ESRRG: variants seen among roughly 807,000 people sequenced by gnomAD.
The protein encoded by ESRRG is estrogen related receptor gamma.
Under a neutral mutation model 44.0 loss-of-function variants are expected in ESRRG, and 13 were observed. That is an observed-to-expected ratio of 0.30 (90% confidence interval 0.19 to 0.47). ESRRG has a LOEUF of 0.47. Among genes scored for constraint, ESRRG ranks in the 20% least tolerant of loss-of-function variants. ESRRG has a pLI of 1.00. For synonymous variants in ESRRG, 215 were observed against 214.6 expected (o/e 1.00, Z -0.02); for missense variants, 395 against 580.6 (o/e 0.68, Z 3.29).
At chr1:216,922,745 G>A (rs932122557) in intron 2 of ESRRG, among the ~76,000 whole-genome samples, 8 of 152,148 alleles carry the variant, frequency 5.3e-5, no homozygotes, top group Non-Finnish European at 1.2e-4. Context: ...ACTTTCTAAT[G>A]AACCACAACT....
At chr1:216,839,100 A>ATC (rs1364141176) in intron 2 of ESRRG, among the ~76,000 whole-genome samples, 1 of 152,220 alleles carries the variant, frequency 6.6e-6, no homozygotes, top group Non-Finnish European at 1.5e-5. Context: ...ATTGTAGTCA[A>ATC]TCCTCTCAAA....
chr1:217,098,153 C>T (rs2092451554), intron 1 of ESRRG, among the ~76,000 whole-genome samples: 1 of 152,168 alleles, frequency 6.6e-6, no homozygotes, highest in Non-Finnish European at 1.5e-5. Flanking sequence ...TTGTCCAGAA[C>T]ATGAAAGTTC....
At chr1:216,648,982 A>ATTGTTTGTTTGTTTTG (rs2068275181) in intron 3 of ESRRG, among the ~76,000 whole-genome samples, 1 of 152,140 alleles carries the variant, frequency 6.6e-6, no homozygotes, top group Non-Finnish European at 1.5e-5. Flanking sequence ...ACTTTCAGAA[A>ATTGTTTGTTTGTTTTG]TATGTTTTGT....
intron 1 of ESRRG, among the ~76,000 whole-genome samples, chr1:217,052,801 T>C (rs1249327701): frequency 6.6e-6 from 1 of 152,110 alleles, no homozygotes; most frequent in Non-Finnish European, 1.5e-5. Flanking sequence ...CCTTAAGTGG[T>C]TTCTCCGAGG....
At chr1:217,129,685 A>G (rs1425400541) in intron 1 of ESRRG, among the ~76,000 whole-genome samples, 3 of 152,242 alleles carry the variant, frequency 2.0e-5, no homozygotes, top group Non-Finnish European at 4.4e-5. Flanking sequence ...TATGAAGATA[A>G]TAAGAGAAAG....
At chr1:217,021,205 C>G (rs779223817) in intron 1 of ESRRG, among the ~76,000 whole-genome samples, 1 of 152,144 alleles carries the variant, frequency 6.6e-6, no homozygotes, top group Non-Finnish European at 1.5e-5. Context: ...ACTCCGGACC[C>G]ATTGTTAGTG....
intron 1 of ESRRG, 50 bp downstream of exon 1, chr1:216,723,194 C>T (rs376881534): frequency 4.2e-6 from 6 of 1,444,726 alleles, no homozygotes; most frequent in Non-Finnish European, 4.9e-6. Flanking sequence ...TCCGCCCCCA[C>T]CCCCGCACCC....
intron 2 of ESRRG, among the ~76,000 whole-genome samples, chr1:216,773,043 T>C (rs2093444994): frequency 6.6e-6 from 1 of 152,100 alleles, no homozygotes; most frequent in Non-Finnish European, 1.5e-5. Context: ...TCTAATGGTC[T>C]TAGTCTGCCC....
intron 3 of ESRRG, 77 bp from the exon 4 acceptor site, chr1:216,568,175 C>A: frequency 1.0e-6 from 1 of 968,276 alleles, no homozygotes; most frequent in Admixed American, 1.7e-5. Flanking sequence ...GATGGTATCC[C>A]CCAAGAGCAC....
chr1:216,572,842 T>G (rs1274812852), intron 3 of ESRRG, among the ~76,000 whole-genome samples: 1 of 151,992 alleles, frequency 6.6e-6, no homozygotes, highest in Non-Finnish European at 1.5e-5. Context: ...TCAAAAACAT[T>G]GAATGAAAAT....
intron 1 of ESRRG, among the ~76,000 whole-genome samples, chr1:217,026,277 G>A (rs1359070127): frequency 6.6e-6 from 1 of 152,192 alleles, no homozygotes; most frequent in African/African-American, 2.4e-5. Context: ...TGGAGGGACA[G>A]AACATCCTCC....
At chr1:216,681,142 T>C (rs922257043) in intron 1 of ESRRG, among the ~76,000 whole-genome samples, 4 of 152,208 alleles carry the variant, frequency 2.6e-5, no homozygotes, top group Non-Finnish European at 1.5e-5. Flanking sequence ...GTTACTATTA[T>C]TATTTTAAGA....
chr1:216,723,467 G>C (rs2086817450), upstream of ESRRG: 3 of 635,364 alleles, frequency 4.7e-6, no homozygotes, highest in Admixed American at 2.7e-5. Context: ...GCCCCGATTG[G>C]AGCTTATTAA....
At chr1:217,039,329 C>T (rs910303439) in intron 1 of ESRRG, among the ~76,000 whole-genome samples, 3 of 152,108 alleles carry the variant, frequency 2.0e-5, no homozygotes, top group African/African-American at 4.8e-5. Context: ...TGTATTAGTG[C>T]GTTTTCATGC....
chr1:216,865,927 T>C (rs2096148906), intron 2 of ESRRG, among the ~76,000 whole-genome samples: 1 of 152,186 alleles, frequency 6.6e-6, no homozygotes, highest in Admixed American at 6.5e-5. Context: ...TAACGCTTTA[T>C]AGTAGTGCCA....
At chr1:216,645,332 G>GTCATCA (rs142258442) in intron 3 of ESRRG, among the ~76,000 whole-genome samples, 6 of 151,238 alleles carry the variant, frequency 4.0e-5, no homozygotes, top group African/African-American at 1.5e-4. Flanking sequence ...CATTGATATA[G>GTCATCA]TCATCATCAT....
At chr1:217,119,957 G>A (rs1422712874) in intron 1 of ESRRG, among the ~76,000 whole-genome samples, 2 of 152,164 alleles carry the variant, frequency 1.3e-5, no homozygotes, top group Non-Finnish European at 2.9e-5. Flanking sequence ...AGTGTAATAA[G>A]TACTTGGGAT....
intron 3 of ESRRG, among the ~76,000 whole-genome samples, chr1:216,635,996 G>T (rs2065221958): frequency 6.6e-6 from 1 of 152,200 alleles, no homozygotes; most frequent in South Asian, 2.1e-4. Flanking sequence ...ATATTTGTCA[G>T]ACACTGTGCT....
chr1:216,990,245 C>G (rs2075478564), intron 1 of ESRRG, among the ~76,000 whole-genome samples: 1 of 152,068 alleles, frequency 6.6e-6, no homozygotes, highest in Non-Finnish European at 1.5e-5. Flanking sequence ...TAACCCAACC[C>G]TAAAAAATGG....
Sources: allele counts gnomAD v4.1 joint callset (sites outside exome capture counted in the v4.1 genomes callset), GRCh38; gene constraint gnomAD v4.1.1; transcripts MANE v1.5; gene names NCBI Gene and HGNC (gene_info 2026-07-23, HGNC 2026-07-21).